The following BCL2 variants were observed in gnomAD, a reference collection of about 807,000 sequenced individuals.
BCL2 encodes the protein apoptosis regulator Bcl-2.
A neutral mutation model predicts 14.2 loss-of-function variants in BCL2; 1 was observed. The ratio of observed to expected loss-of-function variants is 0.07; its 90% CI spans 0.02 to 0.33. The LOEUF is 0.33. Ranked by LOEUF, BCL2 falls within the 10% of genes least tolerant of loss-of-function variation. The pLI is 0.99. For missense variants in BCL2, 247 were observed against 305.9 expected (o/e 0.81, Z 1.44); for synonymous variants, 151 against 137.2 (o/e 1.10, Z -0.70).
At chr18:63,201,412 T>C (rs1309285059) in intron 2 of BCL2, among the ~76,000 whole-genome samples, 1 of 152,238 alleles carries the variant, frequency 6.6e-6, no homozygotes, top group African/African-American at 2.4e-5. Flanking sequence ...CTTTGGTTAA[T>C]ACATAAGTAA....
Position 63,127,723 on chromosome 18 carries a change from A to G in BCL2, c.*902T>C, listed in dbSNP as rs1599195822. On this transcript the variant is annotated 3_prime_UTR_variant, in exon 3 of 3. Transcript: ENST00000333681. ...GGTAACTCTAGCCTTCCTGATGCGG[A>G]AGTCACCGAAATGTTCACTTCCTCA... 1 of 225,834 alleles carries G rather than the reference A, an allele frequency of 4.4e-6. No individual in the cohort carries two copies. The highest frequency in any genetic ancestry group is 2.2e-5 in the African/African-American group (1 of 44,890). 14.0% of individuals were successfully genotyped at this position (225,834 alleles called of 1,614,324 possible).
At chr18:63,161,249 C>A (rs1417631232) in intron 2 of BCL2, among the ~76,000 whole-genome samples, 1 of 152,066 alleles carries the variant, frequency 6.6e-6, no homozygotes, top group African/African-American at 2.4e-5. Context: ...TGGTGAAATC[C>A]CCCCCTTGGA....
chr18:63,223,921 T>C (rs1406160746), intron 2 of BCL2, among the ~76,000 whole-genome samples: 2 of 150,886 alleles, frequency 1.3e-5, no homozygotes, highest in Admixed American at 1.3e-4. Flanking sequence ...AAAGACAGAG[T>C]TCAAAACAAA....
In BCL2 at chr18:63,318,612, T is replaced by G. The variant is rs746600883; in HGVS notation, c.55A>C (p.Ile19Leu). 13 of 1,612,930 alleles carry G rather than the reference T, an allele frequency of 8.1e-6. No individual in the cohort carries two copies. Among genetic ancestry groups the G allele is most frequent in the Non-Finnish European group, 1.1e-5 (13 of 1,179,586 alleles). Reference sequence around the variant, plus strand: ...CCCCTCTGCGACAGCTTATAATGGATGTACTTCATCACTATCTCCCGGTTA... The same window carrying G: ...CCCCTCTGCGACAGCTTATAATGGAGGTACTTCATCACTATCTCCCGGTTA... ...YDNREIVMKY[I>L]HYKLSQRGYE... Residue 19 changes from isoleucine (I) to leucine (L), a missense_variant, in exon 2 of 3, where the codon ATC becomes CTC. Physicochemically the swap from Ile to Leu is conservative, Grantham distance 5 (BLOSUM62 2). Coordinates refer to ENST00000333681, the MANE Select transcript of BCL2 (RefSeq NM_000633.3). This position sits in a 1 kb window ranked among gnomAD's most constrained non-coding sequence, Gnocchi z 7.4.
chr18:63,200,158 C>T (rs1371014504), intron 2 of BCL2, among the ~76,000 whole-genome samples: 1 of 152,186 alleles, frequency 6.6e-6, no homozygotes, highest in Non-Finnish European at 1.5e-5. Context: ...ACCTCGCCTC[C>T]CTCAGTTCTT....
At chr18:63,184,727 C>G (rs959479991) in intron 2 of BCL2, among the ~76,000 whole-genome samples, 1 of 152,196 alleles carries the variant, frequency 6.6e-6, no homozygotes, top group African/African-American at 2.4e-5. Context: ...TGAAGCCCCC[C>G]GACCATGATG....
At position 63,123,940 on chromosome 18, in the gene BCL2, T is replaced by G. The variant is rs556851434; in HGVS notation, c.*4685A>C. 38 of 220,682 alleles carry G rather than the reference T, an allele frequency of 1.7e-4. No individual in the cohort carries two copies. The highest frequency in any genetic ancestry group is 2.9e-4 in the Non-Finnish European group (32 of 110,060). The allele number at this position is 220,682 out of a possible 1,614,324, so 13.7% of individuals were successfully genotyped here. A position where few individuals can be genotyped will look rare whatever the true frequency, so the allele number is the denominator to read the frequency against. ...AGAATTTTCTTGATTGAGCGAGCCTTTCCATCCTCCACCAGTGTTCCCATC... is the reference window on the plus strand; with the variant it reads ...AGAATTTTCTTGATTGAGCGAGCCTGTCCATCCTCCACCAGTGTTCCCATC... On this transcript the variant is annotated 3_prime_UTR_variant, in exon 3 of 3. Coordinates refer to ENST00000333681, the MANE Select transcript of BCL2 (RefSeq NM_000633.3).
At chr18:63,169,362 TTTCTTTC>T in intron 2 of BCL2, among the ~76,000 whole-genome samples, 1 of 64,264 alleles carries the variant, frequency 1.6e-5, no homozygotes, top group African/African-American at 7.7e-5. Flanking sequence ...TCTTTCTTTC[TTTCTTTC>T]TCTTTCTTTC....
chr18:63,171,431 T>A (rs1414740921), intron 2 of BCL2, among the ~76,000 whole-genome samples: 1 of 152,206 alleles, frequency 6.6e-6, no homozygotes, highest in Non-Finnish European at 1.5e-5. Flanking sequence ...TAAACTCAGA[T>A]AACATGTAAA....
intron 2 of BCL2, among the ~76,000 whole-genome samples, chr18:63,303,778 C>G (rs916239363): frequency 5.9e-5 from 9 of 152,204 alleles, no homozygotes; most frequent in African/African-American, 1.9e-4. Context: ...TTCCTTCCTT[C>G]CTCCTGACTT....
intron 2 of BCL2, among the ~76,000 whole-genome samples, chr18:63,196,023 T>C (rs1474725333): frequency 6.6e-6 from 1 of 152,246 alleles, no homozygotes; most frequent in Non-Finnish European, 1.5e-5. Context: ...AGCTTTTAGG[T>C]ACAGCGGAAT....
At chr18:63,199,354 C>T (rs1264649018) in intron 2 of BCL2, among the ~76,000 whole-genome samples, 2 of 151,276 alleles carry the variant, frequency 1.3e-5, no homozygotes, top group Non-Finnish European at 2.9e-5. Context: ...GGCACACAGA[C>T]ACAGAGACAC....
At chr18:63,209,337 C>T (rs73473315) in intron 2 of BCL2, among the ~76,000 whole-genome samples, 3,201 of 152,164 alleles carry the variant, frequency 0.021, 38 homozygotes, top group South Asian at 0.055. Flanking sequence ...AGTAGATGTC[C>T]GCCTATGTCA....
chr18:63,155,266 G>A (rs1469869013), intron 2 of BCL2, among the ~76,000 whole-genome samples: 1 of 152,174 alleles, frequency 6.6e-6, no homozygotes, highest in Non-Finnish European at 1.5e-5. Flanking sequence ...AGAAAGGCTC[G>A]GGACAGCAGG....
intron 2 of BCL2, among the ~76,000 whole-genome samples, chr18:63,258,352 G>T (rs924309414): frequency 1.3e-5 from 2 of 152,196 alleles, no homozygotes; most frequent in African/African-American, 4.8e-5. Context: ...ATTATTTAAA[G>T]ATATGAAGGT....
intron 2 of BCL2, among the ~76,000 whole-genome samples, chr18:63,156,526 T>C (rs1914787074): frequency 6.6e-6 from 1 of 152,150 alleles, no homozygotes; most frequent in Non-Finnish European, 1.5e-5. Context: ...CTGCCTTAGA[T>C]TATTGTTAGG....
intron 2 of BCL2, among the ~76,000 whole-genome samples, chr18:63,311,871 A>G (rs1029862408): frequency 1.3e-5 from 2 of 152,364 alleles, no homozygotes; most frequent in Non-Finnish European, 2.9e-5. Flanking sequence ...CATGTTTAAA[A>G]GGGCGTTTGG....
chr18:63,238,267 C>T (rs17070848), intron 2 of BCL2, among the ~76,000 whole-genome samples: 24,432 of 152,154 alleles, frequency 0.16, 2,249 homozygotes, highest in East Asian at 0.23. Flanking sequence ...GGCCTGTGAA[C>T]GGCATCCCAG....
intron 2 of BCL2, among the ~76,000 whole-genome samples, chr18:63,254,718 C>T (rs1911421642): frequency 6.6e-6 from 1 of 152,078 alleles, no homozygotes; most frequent in South Asian, 2.1e-4. Flanking sequence ...AGAAAAGATA[C>T]CATATGCAGT....
Sources: allele counts gnomAD v4.1 joint callset (sites outside exome capture counted in the v4.1 genomes callset), GRCh38; gene constraint gnomAD v4.1.1; non-coding constraint Gnocchi (gnomAD v3.1); transcripts MANE v1.5; gene names NCBI Gene and HGNC (gene_info 2026-07-23, HGNC 2026-07-21).